The following ENOX1 variants were observed in gnomAD, a reference collection of about 807,000 sequenced individuals.
ENOX1 encodes the protein ecto-NOX disulfide-thiol exchanger 1, also known as candidate growth-related and time keeping constitutive hydroquinone (NADH) oxidase.
Under a neutral mutation model 82.5 loss-of-function variants are expected in ENOX1, and 42 were observed. The observed-to-expected ratio is 0.51, with a 90% CI of 0.40 to 0.66. The LOEUF (loss-of-function observed/expected upper bound fraction) is 0.66, where lower values mean the gene tolerates loss of function less well. ENOX1 is among the 30% of genes least tolerant of loss of function. The pLI, the probability that ENOX1 is intolerant of heterozygous loss-of-function variation, is 0.00. For synonymous variants in ENOX1, 271 were observed against 282.2 expected, an observed-to-expected ratio of 0.96 and a Z score of 0.40; for missense variants, 608 against 811.6, an observed-to-expected ratio of 0.75 and a Z score of 3.05.
At chr13:43,613,997 T>C (rs1005749100) in intron 2 of ENOX1, among the ~76,000 whole-genome samples, 12 of 151,990 alleles carry the variant, frequency 7.9e-5, no homozygotes, top group African/African-American at 2.7e-4. Context: ...TCCACAATAA[T>C]GAAAAATAAA....
At chr13:43,393,278 T>C (rs1445559965) in intron 5 of ENOX1, among the ~76,000 whole-genome samples, 2 of 152,244 alleles carry the variant, frequency 1.3e-5, no homozygotes, top group Admixed American at 6.5e-5. Flanking sequence ...TAAGTCCTGA[T>C]AAAAGGTAAT....
At chr13:43,742,835 A>T (rs1265481107) in intron 1 of ENOX1, among the ~76,000 whole-genome samples, 1 of 152,148 alleles carries the variant, frequency 6.6e-6, no homozygotes, top group Non-Finnish European at 1.5e-5. Flanking sequence ...AGTTGACTCT[A>T]ATATTTTTGA....
In ENOX1 at chr13:43,484,091, T is replaced by C. The variant is rs1367145294; in HGVS notation, c.-157A>G. The C allele has an allele frequency of 1.0e-6, 1 of 985,428 alleles. No homozygotes were observed. The highest frequency in any genetic ancestry group is 1.7e-5 in the African/African-American group (1 of 57,244). The allele number at this position is 985,428 out of a possible 1,614,324, so 61.0% of individuals were successfully genotyped here. On this transcript the variant is annotated 5_prime_UTR_variant, in exon 3 of 17. Transcript: ENST00000690772. ...CATGTATTCATAAAAGTCTTTTAAA[T>C]GGATGCTCTTCACAAAGGAAGTCTC...
chr13:43,321,225 C>T (rs1293275093), intron 11 of ENOX1: 3 of 447,760 alleles, frequency 6.7e-6, no homozygotes, highest in South Asian at 3.2e-5. Flanking sequence ...ACTTCACTTC[C>T]CCACACCCTG....
chr13:43,254,303 AAATT>A (rs1289861956), intron 14 of ENOX1, among the ~76,000 whole-genome samples: 2 of 152,152 alleles, frequency 1.3e-5, no homozygotes, highest in African/African-American at 2.4e-5. Flanking sequence ...TTGTTCTCCT[AAATT>A]ATTTATGTAG....
chr13:43,277,963 A>T (rs2045153496), intron 12 of ENOX1, among the ~76,000 whole-genome samples: 1 of 152,154 alleles, frequency 6.6e-6, no homozygotes, highest in Non-Finnish European at 1.5e-5. Flanking sequence ...GCGGGGCACC[A>T]AGGACGGGGC....
intron 13 of ENOX1, among the ~76,000 whole-genome samples, chr13:43,267,179 C>T (rs113050565): frequency 6.6e-6 from 1 of 152,318 alleles, no homozygotes; most frequent in African/African-American, 2.4e-5. Context: ...CTTTGTTCTT[C>T]TCTCTGCTCC....
At chr13:43,433,166 T>C (rs2055787821) in intron 3 of ENOX1, among the ~76,000 whole-genome samples, 1 of 152,090 alleles carries the variant, frequency 6.6e-6, no homozygotes, top group South Asian at 2.1e-4. Flanking sequence ...TGGCTTCTGG[T>C]GAGGCCGTTT....
chr13:43,318,488 G>A lies in ENOX1; in HGVS notation c.1261+3896C>T, dbSNP rs79082430. ...AACAGTGCTGGGTTAAAGCTCTCTG[G>A]GCCATGGCCTGTTCGCCATGTGACA... On this transcript the variant is annotated intron_variant, in intron 11 of 16. Transcript: ENST00000690772. Among the ~76,000 whole-genome samples the A allele has an allele frequency of 2.0e-3, 299 of 152,256 alleles. 1 individual carries two copies. Among genetic ancestry groups the A allele is most frequent in the African/African-American group, 7.0e-3 (289 of 41,540 alleles).
chr13:43,626,748 A>T (rs923206386), intron 2 of ENOX1, among the ~76,000 whole-genome samples: 1 of 151,812 alleles, frequency 6.6e-6, no homozygotes, highest in Non-Finnish European at 1.5e-5. Flanking sequence ...CATTTGAAAA[A>T]ATATATATAT....
chr13:43,646,204 T>C (rs1382421943), intron 2 of ENOX1, among the ~76,000 whole-genome samples: 1 of 152,224 alleles, frequency 6.6e-6, no homozygotes, highest in African/African-American at 2.4e-5. Flanking sequence ...CATTGAGCAG[T>C]AACATCCTTT....
At chr13:43,537,241 G>C (rs948542943) in intron 2 of ENOX1, among the ~76,000 whole-genome samples, 1 of 152,178 alleles carries the variant, frequency 6.6e-6, no homozygotes, top group Non-Finnish European at 1.5e-5. Flanking sequence ...ACTGCCACTA[G>C]ATATGGGGCT....
chr13:43,680,676 A>G (rs1050850228), intron 1 of ENOX1, among the ~76,000 whole-genome samples: 44 of 152,148 alleles, frequency 2.9e-4, no homozygotes, highest in African/African-American at 1.0e-3. Flanking sequence ...TTGAGTTGTT[A>G]TGAGGATTAA....
intron 1 of ENOX1, among the ~76,000 whole-genome samples, chr13:43,730,617 C>T (rs1314580535): frequency 6.6e-6 from 1 of 152,176 alleles, no homozygotes; most frequent in Non-Finnish European, 1.5e-5. Flanking sequence ...ATCATACTGG[C>T]TCCATCACAT....
chr13:43,272,920 A>G (rs2044773589), intron 12 of ENOX1, among the ~76,000 whole-genome samples: 1 of 152,162 alleles, frequency 6.6e-6, no homozygotes, highest in Non-Finnish European at 1.5e-5. Context: ...GACTGTTCTC[A>G]CTACAGTCAC....
At chr13:43,281,711 A>G (rs1009931174) in intron 12 of ENOX1, among the ~76,000 whole-genome samples, 1 of 152,182 alleles carries the variant, frequency 6.6e-6, no homozygotes. Context: ...CACAAAAAAG[A>G]TGATCATTTG....
At chr13:43,534,491 C>G (rs888703017) in intron 2 of ENOX1, among the ~76,000 whole-genome samples, 2 of 152,154 alleles carry the variant, frequency 1.3e-5, no homozygotes, top group African/African-American at 2.4e-5. Flanking sequence ...TTCGCTACCC[C>G]ATCCCTTAAC....
chr13:43,380,444 T>C (rs1043633306), intron 5 of ENOX1, among the ~76,000 whole-genome samples: 2 of 151,324 alleles, frequency 1.3e-5, no homozygotes, highest in Admixed American at 6.6e-5. Flanking sequence ...ACAAAGGAGA[T>C]AAAATTGAAA....
chr13:43,657,725 T>C (rs1411414761), intron 2 of ENOX1, among the ~76,000 whole-genome samples: 1 of 152,220 alleles, frequency 6.6e-6, no homozygotes, highest in Non-Finnish European at 1.5e-5. Flanking sequence ...AAAAATTCTG[T>C]CTATACATAC....
Sources: gnomAD v4.1 joint callset for allele counts (sites outside exome capture counted in the v4.1 genomes callset) on GRCh38, gnomAD v4.1.1 for gene constraint, MANE v1.5 for transcripts, NCBI Gene and HGNC (gene_info 2026-07-23, HGNC 2026-07-21) for gene names.